The following FAR1 variants were observed in gnomAD, a reference collection of about 807,000 sequenced individuals.
The protein encoded by FAR1 is fatty acyl-CoA reductase 1.
FAR1 carries 22 observed loss-of-function variants against 61.1 expected under a neutral mutation model. The ratio of observed to expected loss-of-function variants is 0.36; its 90% CI spans 0.26 to 0.51. The LOEUF is 0.51. Among genes scored for constraint, FAR1 ranks in the 20% least tolerant of loss-of-function variants. The pLI is 0.95. For missense variants in FAR1, 359 were observed against 626.9 expected (o/e 0.57, Z 4.56); for synonymous variants, 206 against 209.7 (o/e 0.98, Z 0.15).
At chr11:13,712,178 C>T in intron 7 of FAR1, 132 bp downstream of exon 7, 1 of 648,982 alleles carries the variant, frequency 1.5e-6, no homozygotes, top group East Asian at 2.7e-5. Context: ...TCACTGCCAA[C>T]TCCAAGAGTT....
At chr11:13,674,040 G>T (rs942200968) in intron 1 of FAR1, among the ~76,000 whole-genome samples, 2 of 152,098 alleles carry the variant, frequency 1.3e-5, no homozygotes, top group Non-Finnish European at 2.9e-5. Flanking sequence ...GGCCGGGTGC[G>T]GTGGCTCACG....
intron 4 of FAR1, among the ~76,000 whole-genome samples, chr11:13,708,832 A>G (rs1848467774): frequency 6.6e-6 from 1 of 152,166 alleles, no homozygotes; most frequent in African/African-American, 2.4e-5. Flanking sequence ...CTTTTAATTC[A>G]TAACCTTACT....
chr11:13,694,027 G>A (rs1214293121), intron 1 of FAR1, among the ~76,000 whole-genome samples: 4 of 152,102 alleles, frequency 2.6e-5, no homozygotes, highest in African/African-American at 7.2e-5. Flanking sequence ...ACAATACAGA[G>A]CATTGTTTTG....
At chr11:13,706,863 C>G (rs997688892) in intron 3 of FAR1, among the ~76,000 whole-genome samples, 1 of 152,022 alleles carries the variant, frequency 6.6e-6, no homozygotes, top group Non-Finnish European at 1.5e-5. Flanking sequence ...TAATTTTATA[C>G]CAGTCTTAGT....
chr11:13,720,970 G>A (rs762628386), intron 9 of FAR1: 2 of 152,072 alleles, frequency 1.3e-5, no homozygotes, highest in South Asian at 2.1e-4. Flanking sequence ...TAAAATGACA[G>A]ATTTAAAGAT....
rs762434255 is a variant in FAR1, at chr11:13,711,759, A to G, written c.724-5A>G. On this transcript the variant is annotated splice_polypyrimidine_tract_variant and splice_region_variant and intron_variant, in intron 5 of 11. Coordinates refer to ENST00000354817, the MANE Select transcript of FAR1 (RefSeq NM_032228.6). ...TTCTCTCCCTTTTAAAATTTTTGGT[A>G]TTAGGGATGGATTGATAACTTTAAT... 2 of 1,591,764 alleles carry G rather than the reference A, an allele frequency of 1.3e-6. No homozygotes were observed. The highest frequency in any genetic ancestry group is 1.7e-6 in the Non-Finnish European group (2 of 1,168,974).
intron 1 of FAR1, among the ~76,000 whole-genome samples, chr11:13,674,403 T>G (rs1848043174): frequency 6.6e-6 from 1 of 152,286 alleles, no homozygotes; most frequent in Admixed American, 6.5e-5. Context: ...ACTTGATGTG[T>G]AACTTGCTAG....
chr11:13,683,829 T>C (rs1591256716), intron 1 of FAR1, among the ~76,000 whole-genome samples: 1 of 152,244 alleles, frequency 6.6e-6, no homozygotes, highest in Non-Finnish European at 1.5e-5. Flanking sequence ...TGGTTAGATA[T>C]TCAATTTGAG....
intron 3 of FAR1, among the ~76,000 whole-genome samples, chr11:13,701,133 A>T (rs7103760): frequency 0.31 from 47,827 of 151,968 alleles, 7,809 homozygotes; most frequent in South Asian, 0.38. Context: ...ACAGTGTGTC[A>T]AAAAATACAG....
At chr11:13,687,858 AAACC>A (rs1848205303) in intron 1 of FAR1, among the ~76,000 whole-genome samples, 1 of 151,158 alleles carries the variant, frequency 6.6e-6, no homozygotes, top group Admixed American at 6.6e-5. Context: ...CAAGGACAAA[AAACC>A]AAACACCGCA....
chr11:13,711,099 A>G (rs1565349067), intron 5 of FAR1: 2 of 483,500 alleles, frequency 4.1e-6, no homozygotes, highest in Non-Finnish European at 3.6e-6. Context: ...TCCTAAGTGA[A>G]AATTAAAAGC....
intron 1 of FAR1, among the ~76,000 whole-genome samples, chr11:13,684,653 C>T (rs1263935070): frequency 7.9e-5 from 12 of 152,120 alleles, no homozygotes; most frequent in Non-Finnish European, 1.3e-4. Context: ...GCTGGATTAT[C>T]TGAAAGGCTT....
chr11:13,692,851 T>C (rs552403415), intron 1 of FAR1, among the ~76,000 whole-genome samples: 1 of 152,346 alleles, frequency 6.6e-6, no homozygotes, highest in South Asian at 2.1e-4. Context: ...ATTTAAGTTT[T>C]CTTAAAATTT....
intron 10 of FAR1, among the ~76,000 whole-genome samples, chr11:13,722,632 C>A: frequency 6.6e-6 from 1 of 151,960 alleles, no homozygotes; most frequent in East Asian, 1.9e-4. Flanking sequence ...TACCACCACA[C>A]CCAGCTAATT....
At chr11:13,713,467 T>C (rs1294181288) in intron 8 of FAR1, among the ~76,000 whole-genome samples, 1 of 152,158 alleles carries the variant, frequency 6.6e-6, no homozygotes. Context: ...GGATACAGTT[T>C]GCCAGAATAT....
At chr11:13,714,715 T>C in intron 9 of FAR1, 35 bp downstream of exon 9, 1 of 1,565,342 alleles carries the variant, frequency 6.4e-7, no homozygotes, top group Non-Finnish European at 8.6e-7. Flanking sequence ...TCTGTTCCTC[T>C]GTTAAACAAC....
chr11:13,683,270 G>T (rs1228250621), intron 1 of FAR1, among the ~76,000 whole-genome samples: 1 of 151,994 alleles, frequency 6.6e-6, no homozygotes, highest in Non-Finnish European at 1.5e-5. Flanking sequence ...GTGGGTGCCT[G>T]TAATCCCAGC....
intron 1 of FAR1, among the ~76,000 whole-genome samples, chr11:13,692,662 G>A (rs1848263118): frequency 6.6e-6 from 1 of 151,970 alleles, no homozygotes; most frequent in South Asian, 2.1e-4. Context: ...TATAAACCTT[G>A]TAATCAGGTG....
chr11:13,706,611 C>A (rs2134188392), intron 3 of FAR1, among the ~76,000 whole-genome samples: 1 of 152,130 alleles, frequency 6.6e-6, no homozygotes, highest in Middle Eastern at 3.4e-3. Flanking sequence ...ATCTCACATA[C>A]TTTTTGTGGT....
Sources: allele counts gnomAD v4.1 joint callset (sites outside exome capture counted in the v4.1 genomes callset), GRCh38; gene constraint gnomAD v4.1.1; transcripts MANE v1.5; gene names NCBI Gene and HGNC (gene_info 2026-07-23, HGNC 2026-07-21).